CHLSN: variants seen among roughly 807,000 people sequenced by gnomAD.
The protein encoded by CHLSN is cholesin.
At chr7:1,117,445 G>A in the CHLSN span, among the ~76,000 whole-genome samples, 6 of 117,480 alleles carry the variant, frequency 5.1e-5, no homozygotes, top group South Asian at 2.7e-4. Flanking sequence ...CATCACAGAC[G>A]CCCACGCAGG....
chr7:1,080,466 G>A, the CHLSN span, among the ~76,000 whole-genome samples: 1 of 152,198 alleles, frequency 6.6e-6, no homozygotes, highest in Non-Finnish European at 1.5e-5. Context: ...CCACCCGCGT[G>A]ACGGTCCGGG....
the CHLSN span, chr7:1,025,926 C>T: frequency 6.6e-6 from 1 of 152,294 alleles, no homozygotes; most frequent in East Asian, 1.9e-4. Context: ...GGGCTCCCTT[C>T]TGCCTCCGGC....
the CHLSN span, among the ~76,000 whole-genome samples, chr7:1,015,642 G>A: frequency 6.6e-6 from 1 of 152,214 alleles, no homozygotes; most frequent in Non-Finnish European, 1.5e-5. Context: ...CAGGAGAGCA[G>A]GGAGGACCCA....
At chr7:1,049,191 C>T in the CHLSN span, among the ~76,000 whole-genome samples, 3 of 152,218 alleles carry the variant, frequency 2.0e-5, no homozygotes, top group East Asian at 5.8e-4. Context: ...GTCACCCCCA[C>T]CCTGCCCCAC....
At chr7:1,126,146 G>A in the CHLSN span, among the ~76,000 whole-genome samples, 2 of 150,896 alleles carry the variant, frequency 1.3e-5, no homozygotes, top group African/African-American at 2.4e-5. Context: ...GGATCACGAG[G>A]TCAGGAGGTC....
the CHLSN span, chr7:997,770 T>A: frequency 6.2e-7 from 1 of 1,608,684 alleles, no homozygotes; most frequent in Admixed American, 1.7e-5. Context: ...CCCCTCCAGG[T>A]AGGCCAGCAG....
At chr7:1,112,582 T>C in the CHLSN span, among the ~76,000 whole-genome samples, 9 of 152,058 alleles carry the variant, frequency 5.9e-5, no homozygotes, top group East Asian at 1.4e-3. Context: ...CCAGCAACGA[T>C]TGGGCCAATA....
chr7:1,118,892 G>A, the CHLSN span, among the ~76,000 whole-genome samples: 3 of 151,308 alleles, frequency 2.0e-5, no homozygotes, highest in Non-Finnish European at 4.4e-5. Flanking sequence ...AAACAGTGTG[G>A]TAAAGACCTC....
chr7:986,423 T>G, the CHLSN span: 1 of 625,954 alleles, frequency 1.6e-6, no homozygotes, highest in Non-Finnish European at 2.8e-6. Flanking sequence ...GGCTGTCCCC[T>G]TCCGGGACAC....
At chr7:1,104,552 G>A in the CHLSN span, among the ~76,000 whole-genome samples, 3 of 152,222 alleles carry the variant, frequency 2.0e-5, no homozygotes, top group South Asian at 2.1e-4. Context: ...CCAGGTCAGC[G>A]CAACTGTGTT....
chr7:1,028,126 GC>G, the CHLSN span: 89,387 of 545,916 alleles, frequency 0.16, 8,262 homozygotes, highest in African/African-American at 0.33. Context: ...GCGGAGCGGG[GC>G]CCGCAGCAGC....
chr7:1,099,037 T>A, the CHLSN span, among the ~76,000 whole-genome samples: 1 of 152,266 alleles, frequency 6.6e-6, no homozygotes, highest in Non-Finnish European at 1.5e-5. Context: ...AGCGCCGGGC[T>A]GTGTTCCTGC....
the CHLSN span, among the ~76,000 whole-genome samples, chr7:999,198 T>A: frequency 6.6e-6 from 1 of 152,176 alleles, no homozygotes; most frequent in Non-Finnish European, 1.5e-5. Flanking sequence ...TAGTAACATA[T>A]AAATAAAACC....
chr7:1,117,956 G>T, the CHLSN span, among the ~76,000 whole-genome samples: 2 of 152,172 alleles, frequency 1.3e-5, no homozygotes, highest in African/African-American at 2.4e-5. Context: ...CCACAGGCCT[G>T]TGCTTATTCA....
chr7:1,098,855 C>T, the CHLSN span, among the ~76,000 whole-genome samples: 2 of 152,246 alleles, frequency 1.3e-5, no homozygotes, highest in African/African-American at 4.8e-5. Flanking sequence ...CCACTGCTGA[C>T]AGGCAATGGA....
chr7:1,099,527 G>A, the CHLSN span, among the ~76,000 whole-genome samples: 1 of 152,222 alleles, frequency 6.6e-6, no homozygotes, highest in Non-Finnish European at 1.5e-5. Context: ...CTGGTAAGTC[G>A]AGCTTTACTT....
At chr7:1,104,802 C>T in the CHLSN span, among the ~76,000 whole-genome samples, 5 of 152,354 alleles carry the variant, frequency 3.3e-5, no homozygotes, top group Non-Finnish European at 7.3e-5. Context: ...AAATATGCAG[C>T]CTCATCTGTC....
chr7:988,246 C>T, the CHLSN span: 1 of 1,551,460 alleles, frequency 6.4e-7, no homozygotes, highest in Non-Finnish European at 8.7e-7. Context: ...TCCCCGGGGC[C>T]CCTCTCTCTG....
the CHLSN span, among the ~76,000 whole-genome samples, chr7:1,008,816 G>A: frequency 0.02 from 2,240 of 114,800 alleles, 34 homozygotes; most frequent in Non-Finnish European, 0.03. Flanking sequence ...ATGTACACAC[G>A]CACATATACA....
Sources: allele counts gnomAD v4.1 joint callset (sites outside exome capture counted in the v4.1 genomes callset), GRCh38; gene constraint gnomAD v4.1.1; transcripts MANE v1.5; gene names NCBI Gene and HGNC (gene_info 2026-07-23, HGNC 2026-07-21).